The following PRDM5 variants were observed in gnomAD, a reference collection of about 807,000 sequenced individuals.
PRDM5 encodes PR/SET domain 5.
A neutral mutation model predicts 81.2 loss-of-function variants in PRDM5; 56 were observed. The ratio of observed to expected loss-of-function variants is 0.69; its 90% CI spans 0.56 to 0.86. PRDM5 has a LOEUF of 0.86. PRDM5 is among the 40% of genes least tolerant of loss of function. The pLI is 0.00. For missense variants in PRDM5, 697 were observed against 770.1 expected, an observed-to-expected ratio of 0.91 and a Z score of 1.12; for synonymous variants, 267 against 256.4, an observed-to-expected ratio of 1.04 and a Z score of -0.39.
intron 14 of PRDM5, among the ~76,000 whole-genome samples, chr4:120,720,336 G>T (rs1048676031): frequency 6.6e-6 from 1 of 152,128 alleles, no homozygotes; most frequent in African/African-American, 2.4e-5. Context: ...TGTGATTTTC[G>T]GAGTCCTCCA....
downstream of PRDM5, among the ~76,000 whole-genome samples, chr4:120,691,671 C>G (rs1042523608): frequency 2.0e-5 from 3 of 151,918 alleles, no homozygotes; most frequent in Admixed American, 6.6e-5. Context: ...TTTGTATAAC[C>G]AGGAATGAGA....
chr4:120,710,220 GACACACACACACACACACAT>G (rs926920967), intron 15 of PRDM5, 69 bp downstream of exon 15: 3 of 981,806 alleles, frequency 3.1e-6, no homozygotes, highest in East Asian at 2.8e-5. Context: ...CACACACACA[GACACACACACACACACACAT>G]ACACACACAC....
chr4:120,855,242 G>T (rs1325824864), intron 2 of PRDM5, among the ~76,000 whole-genome samples: 1 of 152,114 alleles, frequency 6.6e-6, no homozygotes, highest in African/African-American at 2.4e-5. Context: ...GTTTTCTTAA[G>T]TGCCCAAGGA....
intron 9 of PRDM5, 79 bp downstream of exon 9, chr4:120,799,582 A>C: frequency 3.2e-6 from 5 of 1,548,452 alleles, no homozygotes; most frequent in South Asian, 2.4e-5. Flanking sequence ...CCTGATTACC[A>C]CTCTTAGAGT....
chr4:120,699,741 C>A (rs1735081849), intron 15 of PRDM5, among the ~76,000 whole-genome samples: 2 of 145,974 alleles, frequency 1.4e-5, no homozygotes, highest in African/African-American at 4.9e-5. Context: ...AGTAGAACTA[C>A]AGACACTGCT....
intron 1 of PRDM5, among the ~76,000 whole-genome samples, chr4:120,685,590 T>C (rs1375195408): frequency 1.3e-5 from 2 of 152,086 alleles, no homozygotes; most frequent in Non-Finnish European, 2.9e-5. Flanking sequence ...CTAAGCAGCA[T>C]ATATAGGTGA....
intron 3 of PRDM5, among the ~76,000 whole-genome samples, chr4:120,828,749 T>C (rs776847406): frequency 2.0e-5 from 3 of 152,058 alleles, no homozygotes; most frequent in Non-Finnish European, 2.9e-5. Context: ...AAGCTTACAT[T>C]CCATTACCTA....
intron 3 of PRDM5, chr4:120,839,349 G>A: frequency 2.9e-6 from 2 of 700,866 alleles, no homozygotes; most frequent in Non-Finnish European, 5.2e-6. Context: ...TTGAGCAACA[G>A]AACAGCTCAG....
At chr4:120,861,690 C>G (rs932543201) in intron 2 of PRDM5, among the ~76,000 whole-genome samples, 2 of 151,612 alleles carry the variant, frequency 1.3e-5, no homozygotes, top group African/African-American at 4.8e-5. Context: ...CCCAGCTACT[C>G]AGGAGGCTGA....
chr4:120,852,614 A>G (rs987802081), intron 3 of PRDM5, among the ~76,000 whole-genome samples: 6 of 152,006 alleles, frequency 3.9e-5, no homozygotes, highest in African/African-American at 1.4e-4. Flanking sequence ...TTTTAAACTT[A>G]CCAGCTCCTA....
chr4:120,801,018 A>G (rs1026134134), intron 8 of PRDM5, among the ~76,000 whole-genome samples: 1 of 152,226 alleles, frequency 6.6e-6, no homozygotes, highest in African/African-American at 2.4e-5. Flanking sequence ...CAATTCTAAA[A>G]GAAATGTATT....
At chr4:120,741,562 G>C (rs989131273) in intron 14 of PRDM5, among the ~76,000 whole-genome samples, 3 of 151,870 alleles carry the variant, frequency 2.0e-5, no homozygotes, top group African/African-American at 7.3e-5. Context: ...GCAGGTCAGT[G>C]GGTGCGCGCA....
chr4:120,690,395 A>C (rs1458961216), downstream of PRDM5, among the ~76,000 whole-genome samples: 2 of 152,176 alleles, frequency 1.3e-5, no homozygotes, highest in African/African-American at 2.4e-5. Context: ...AGGCAAGATG[A>C]GACAGTGAGA....
chr4:120,771,117 C>T (rs1353631039), intron 13 of PRDM5, among the ~76,000 whole-genome samples: 2 of 151,908 alleles, frequency 1.3e-5, no homozygotes, highest in East Asian at 3.9e-4. Context: ...ATTATGAGTT[C>T]TTTTAATGTT....
chr4:120,906,058 A>T (rs954516654), intron 2 of PRDM5, among the ~76,000 whole-genome samples: 1 of 152,046 alleles, frequency 6.6e-6, no homozygotes, highest in Non-Finnish European at 1.5e-5. Context: ...TGCAGCCTTG[A>T]ACTCCTAGGC....
At chr4:120,887,570 C>G (rs919802185) in intron 2 of PRDM5, among the ~76,000 whole-genome samples, 1 of 152,190 alleles carries the variant, frequency 6.6e-6, no homozygotes, top group African/African-American at 2.4e-5. Context: ...AATTGCCTCT[C>G]TAATCCTACA....
At chr4:120,711,484 A>AT (rs1736978869) in intron 14 of PRDM5, among the ~76,000 whole-genome samples, 1 of 110,812 alleles carries the variant, frequency 9.0e-6, no homozygotes, top group Non-Finnish European at 1.9e-5. Flanking sequence ...TTTTTTTTGT[A>AT]TTTTTAGTAG....
intron 14 of PRDM5, among the ~76,000 whole-genome samples, chr4:120,712,552 C>T (rs1193540486): frequency 6.6e-6 from 1 of 152,138 alleles, no homozygotes; most frequent in African/African-American, 2.4e-5. Flanking sequence ...GATGACAGCT[C>T]CCTCAGATAT....
intron 5 of PRDM5, among the ~76,000 whole-genome samples, chr4:120,817,970 A>T (rs897834425): frequency 6.6e-6 from 1 of 152,158 alleles, no homozygotes; most frequent in Admixed American, 6.5e-5. Flanking sequence ...TTTTAAACAG[A>T]TTCCAGAAGG....
Sources: allele counts gnomAD v4.1 joint callset (sites outside exome capture counted in the v4.1 genomes callset), GRCh38; gene constraint gnomAD v4.1.1; transcripts MANE v1.5; gene names NCBI Gene and HGNC (gene_info 2026-07-23, HGNC 2026-07-21).